The following PTPRG variants were observed in gnomAD, a reference collection of about 807,000 sequenced individuals.
PTPRG encodes the protein protein tyrosine phosphatase receptor type G, also known as receptor-type tyrosine-protein phosphatase gamma.
In PTPRG, 102 loss-of-function variants were observed where a neutral mutation model predicts 165.3. The ratio of observed to expected loss-of-function variants is 0.62; its 90% CI spans 0.53 to 0.73. The LOEUF (loss-of-function observed/expected upper bound fraction) is 0.73. PTPRG is among the 30% of genes least tolerant of loss of function. The probability of loss-of-function intolerance (pLI) is 0.00; values close to 1 mark genes in which losing one functional copy is unlikely to be tolerated. For missense variants in PTPRG, 1,866 were observed against 1,861.4 expected (o/e 1.00, Z -0.05); for synonymous variants, 675 against 669.5 (o/e 1.01, Z -0.13).
chr3:62,094,920 G>A (rs1048662575), intron 5 of PTPRG, among the ~76,000 whole-genome samples: 16 of 152,328 alleles, frequency 1.1e-4, no homozygotes, highest in East Asian at 9.6e-4. Flanking sequence ...GCGACCTGCC[G>A]CAAAGGAGCA....
At chr3:61,752,802 G>GAAA (rs532651498) in intron 2 of PTPRG, among the ~76,000 whole-genome samples, 9 of 103,724 alleles carry the variant, frequency 8.7e-5, no homozygotes, top group South Asian at 3.4e-4. Flanking sequence ...AAAAAAAAAA[G>GAAA]AAAAAAAAAA....
intron 2 of PTPRG, among the ~76,000 whole-genome samples, chr3:61,825,581 A>G (rs1288143529): frequency 6.6e-6 from 1 of 152,148 alleles, no homozygotes; most frequent in Non-Finnish European, 1.5e-5. Context: ...AGTTAAATAA[A>G]TTTCACAAAT....
At chr3:62,289,819 C>CTTGAACA (rs1440626209) in intron 28 of PTPRG, among the ~76,000 whole-genome samples, 1 of 150,482 alleles carries the variant, frequency 6.6e-6, no homozygotes, top group Non-Finnish European at 1.5e-5. Context: ...AACTTAGAAG[C>CTTGAACA]TTGAACATTT....
At chr3:62,249,383 C>T (rs1277956670) in intron 15 of PTPRG, among the ~76,000 whole-genome samples, 1 of 152,040 alleles carries the variant, frequency 6.6e-6, no homozygotes, top group African/African-American at 2.4e-5. Flanking sequence ...TGCTAACAGG[C>T]CAGTTGTTGG....
intron 2 of PTPRG, among the ~76,000 whole-genome samples, chr3:61,954,731 G>A (rs2039994770): frequency 6.6e-6 from 1 of 152,192 alleles, no homozygotes; most frequent in South Asian, 2.1e-4. Flanking sequence ...TTTTCCTTAA[G>A]TTATAGCAGT....
At chr3:62,148,835 C>T (rs1301636931) in intron 6 of PTPRG, among the ~76,000 whole-genome samples, 1 of 152,100 alleles carries the variant, frequency 6.6e-6, no homozygotes, top group Non-Finnish European at 1.5e-5. Context: ...CTCACCTGAT[C>T]CTGCAGATGA....
intron 2 of PTPRG, among the ~76,000 whole-genome samples, chr3:61,922,264 A>G (rs2039095605): frequency 6.6e-6 from 1 of 152,236 alleles, no homozygotes; most frequent in African/African-American, 2.4e-5. Context: ...TCTCCTGGAT[A>G]TCTGCCCTGC....
intron 2 of PTPRG, among the ~76,000 whole-genome samples, chr3:61,871,555 T>C (rs1354384354): frequency 6.6e-6 from 1 of 152,150 alleles, no homozygotes; most frequent in Non-Finnish European, 1.5e-5. Context: ...AGTGTTTGAT[T>C]CTAATAGGAA....
chr3:61,964,678 T>A (rs2040227329), intron 2 of PTPRG, among the ~76,000 whole-genome samples: 1 of 152,138 alleles, frequency 6.6e-6, no homozygotes, highest in Admixed American at 6.5e-5. Flanking sequence ...TTCACCACTT[T>A]TTTCCACTCT....
intron 2 of PTPRG, among the ~76,000 whole-genome samples, chr3:61,972,502 CAG>C (rs1437431684): frequency 3.3e-5 from 5 of 151,846 alleles, no homozygotes; most frequent in African/African-American, 1.2e-4. Flanking sequence ...GAGGGTGGGT[CAG>C]AGAGTCAGGT....
intron 6 of PTPRG, 147 bp from the exon 7 acceptor site, chr3:62,156,920 C>A: frequency 1.4e-6 from 1 of 727,544 alleles, no homozygotes; most frequent in Non-Finnish European, 2.4e-6. Flanking sequence ...GAGGCTCTCC[C>A]ACCACCAAAT....
intron 12 of PTPRG, among the ~76,000 whole-genome samples, chr3:62,205,018 C>A (rs1272315584): frequency 1.3e-5 from 2 of 151,434 alleles, no homozygotes; most frequent in Admixed American, 6.6e-5. Context: ...AAAAAAAAAG[C>A]AACTGGTAAA....
intron 1 of PTPRG, among the ~76,000 whole-genome samples, chr3:61,572,355 T>C (rs1226674188): frequency 1.3e-5 from 2 of 152,152 alleles, no homozygotes; most frequent in Non-Finnish European, 2.9e-5. Flanking sequence ...TTTAAAACTA[T>C]CTAATGTGAT....
chr3:61,733,910 A>C (rs1329904494), intron 1 of PTPRG, among the ~76,000 whole-genome samples: 1 of 152,068 alleles, frequency 6.6e-6, no homozygotes, highest in Non-Finnish European at 1.5e-5. Context: ...CGGTCCTCAC[A>C]CCTCAGCCTC....
intron 14 of PTPRG, among the ~76,000 whole-genome samples, chr3:62,242,557 G>A (rs1701184643): frequency 1.3e-5 from 2 of 152,284 alleles, no homozygotes; most frequent in African/African-American, 4.8e-5. Context: ...TTCTGATTGC[G>A]TGTGGTTATA....
intron 1 of PTPRG, among the ~76,000 whole-genome samples, chr3:61,706,187 A>T (rs1192565095): frequency 2.0e-5 from 3 of 152,030 alleles, no homozygotes; most frequent in Non-Finnish European, 2.9e-5. Flanking sequence ...AAAAAAGAAA[A>T]ACCCAGAAAT....
rs1306714611 is a variant in PTPRG at position 61,713,361 on chromosome 3, C to T, written c.86-35517C>T. On this transcript the variant is annotated intron_variant, in intron 1 of 29. Transcript: ENST00000474889. ...TTTTTTTTTGTATTTTTAGTAGAGA[C>T]GGGGTTTCACCATGTTGGCCAGGAT... 2.7e-5 allele frequency among the ~76,000 whole-genome samples: 4 copies of T among 146,120 alleles called. No individual in the cohort carries two copies. The Admixed American group carries it at 2.8e-4, about 10-fold the overall frequency.
chr3:61,967,287 T>C (rs982456340), intron 2 of PTPRG, among the ~76,000 whole-genome samples: 2 of 152,336 alleles, frequency 1.3e-5, no homozygotes, highest in South Asian at 4.1e-4. Flanking sequence ...TGATTTGATC[T>C]CTTGCATTGA....
intron 1 of PTPRG, among the ~76,000 whole-genome samples, chr3:61,573,496 T>C (rs966670268): frequency 4.6e-5 from 7 of 152,238 alleles, no homozygotes; most frequent in Non-Finnish European, 7.3e-5. Flanking sequence ...TTTTGACTAT[T>C]ACAGATGGAA....
Sources: gnomAD v4.1 joint callset for allele counts (sites outside exome capture counted in the v4.1 genomes callset) on GRCh38, gnomAD v4.1.1 for gene constraint, MANE v1.5 for transcripts, NCBI Gene and HGNC (gene_info 2026-07-23, HGNC 2026-07-21) for gene names.